ZCCHC17: variants seen among roughly 807,000 people sequenced by gnomAD.
ZCCHC17 encodes zinc finger CCHC domain-containing protein 17.
In ZCCHC17, 18 loss-of-function variants were observed where a neutral mutation model predicts 30.6. The ratio of observed to expected loss-of-function variants is 0.59; its 90% CI spans 0.41 to 0.87. The LOEUF is 0.87. Among genes scored for constraint, ZCCHC17 ranks in the 40% least tolerant of loss-of-function variants. ZCCHC17 has a pLI of 0.00. For missense variants in ZCCHC17, 263 were observed against 284.2 expected (o/e 0.93, Z 0.54); for synonymous variants, 88 against 92.4 (o/e 0.95, Z 0.27).
intron 3 of ZCCHC17, among the ~76,000 whole-genome samples, chr1:31,321,559 CT>C (rs1197639554): frequency 6.6e-6 from 1 of 152,232 alleles, no homozygotes; most frequent in African/African-American, 2.4e-5. Flanking sequence ...ACTGCAACCT[CT>C]GCCTCCTGAG....
chr1:31,357,946 G>A (rs1453690143), intron 7 of ZCCHC17, among the ~76,000 whole-genome samples: 1 of 152,148 alleles, frequency 6.6e-6, no homozygotes, highest in East Asian at 1.9e-4. Context: ...GTAGAGACGG[G>A]TTTCTCCATG....
chr1:31,314,734 C>T (rs532137879), intron 2 of ZCCHC17, among the ~76,000 whole-genome samples: 17 of 152,160 alleles, frequency 1.1e-4, no homozygotes, highest in African/African-American at 3.9e-4. Context: ...TGGAGTCTTC[C>T]TCTGTCGCTC....
At chr1:31,297,690 C>G (rs1646200162) in intron 1 of ZCCHC17, among the ~76,000 whole-genome samples, 1 of 152,168 alleles carries the variant, frequency 6.6e-6, no homozygotes, top group African/African-American at 2.4e-5. Context: ...GAAATGCCTC[C>G]TACTGCTGCC....
At chr1:31,324,250 A>T (rs935360470) in intron 3 of ZCCHC17, among the ~76,000 whole-genome samples, 5 of 152,230 alleles carry the variant, frequency 3.3e-5, no homozygotes, top group Non-Finnish European at 7.3e-5. Flanking sequence ...AAGTAGTAAG[A>T]TCACTTGAGG....
intron 3 of ZCCHC17, among the ~76,000 whole-genome samples, chr1:31,320,363 A>G (rs1179097005): frequency 6.6e-6 from 1 of 152,226 alleles, no homozygotes; most frequent in Non-Finnish European, 1.5e-5. Flanking sequence ...AAAGTGTACA[A>G]TTCAGTGGTT....
chr1:31,313,956 C>T (rs926433221), intron 2 of ZCCHC17, among the ~76,000 whole-genome samples: 23 of 152,120 alleles, frequency 1.5e-4, no homozygotes, highest in South Asian at 2.1e-4. Flanking sequence ...CCTCCACCTC[C>T]GGGTTCAAGT....
rs145918690 is a variant in ZCCHC17 at position 31,297,832 on chromosome 1, GT to G, written c.-56+759del. Among the ~76,000 whole-genome samples the G allele has an allele frequency of 7.3e-3, 1,108 of 152,342 alleles. 12 individuals carry two copies. Among genetic ancestry groups the G allele is most frequent in the African/African-American group, 0.025 (1,036 of 41,552 alleles). On this transcript the variant is annotated intron_variant, in intron 1 of 7. Transcript: ENST00000344147. ...CAGAACCTTCCATAGAGAACTACTT[GT>G]TCAGAGCCCTGAGGCACTTGGGAGG... is the stretch of plus-strand genomic sequence containing the variant.
At chr1:31,303,790 C>T (rs1266670615) in intron 1 of ZCCHC17, among the ~76,000 whole-genome samples, 2 of 152,216 alleles carry the variant, frequency 1.3e-5, no homozygotes, top group East Asian at 3.8e-4. Context: ...ACATTCTCCT[C>T]TATAGCCACA....
chr1:31,297,493 C>T (rs1363874518), intron 1 of ZCCHC17, among the ~76,000 whole-genome samples: 1 of 152,224 alleles, frequency 6.6e-6, no homozygotes, highest in Non-Finnish European at 1.5e-5. Flanking sequence ...CCGACTCCTT[C>T]TCCAGAGCAC....
At chr1:31,331,325 T>G (rs983778606) in intron 3 of ZCCHC17, among the ~76,000 whole-genome samples, 47 of 151,936 alleles carry the variant, frequency 3.1e-4, no homozygotes, top group African/African-American at 1.1e-3. Flanking sequence ...ATTTTTTTTT[T>G]AGTAGAGACG....
chr1:31,311,797 A>C (rs775928553), intron 2 of ZCCHC17, among the ~76,000 whole-genome samples: 3 of 152,254 alleles, frequency 2.0e-5, no homozygotes, highest in Non-Finnish European at 4.4e-5. Flanking sequence ...GAGAAATACC[A>C]AAGTTCATGT....
At chr1:31,311,095 CT>C in intron 2 of ZCCHC17, among the ~76,000 whole-genome samples, 2 of 152,150 alleles carry the variant, frequency 1.3e-5, no homozygotes, top group Middle Eastern at 6.8e-3. Flanking sequence ...TTTTTTAATT[CT>C]TTTTTAAAAA....
chr1:31,298,507 TC>T (rs2148398276), intron 1 of ZCCHC17, among the ~76,000 whole-genome samples: 2 of 151,368 alleles, frequency 1.3e-5, no homozygotes, highest in South Asian at 2.1e-4. Flanking sequence ...TGCCTTAGCC[TC>T]CCCAGTAGCT....
intron 4 of ZCCHC17, 125 bp from the exon 5 acceptor site, chr1:31,338,832 C>T: frequency 1.6e-6 from 1 of 625,010 alleles, no homozygotes; most frequent in Non-Finnish European, 2.8e-6. Flanking sequence ...TGCAATGTTC[C>T]TAGCACAGTA....
intron 3 of ZCCHC17, among the ~76,000 whole-genome samples, chr1:31,327,393 AC>A (rs1638398761): frequency 6.6e-6 from 1 of 152,238 alleles, no homozygotes; most frequent in South Asian, 2.1e-4. Context: ...AGAATGGCTT[AC>A]AGAAGTCAGG....
intron 7 of ZCCHC17, among the ~76,000 whole-genome samples, chr1:31,354,958 TGA>T (rs1344169189): frequency 6.6e-6 from 1 of 152,108 alleles, no homozygotes; most frequent in African/African-American, 2.4e-5. Context: ...GTGGATCACT[TGA>T]GATCAGGAGT....
intron 4 of ZCCHC17, 73 bp downstream of exon 4, chr1:31,337,348 G>A: frequency 7.6e-7 from 1 of 1,317,322 alleles, no homozygotes; most frequent in Non-Finnish European, 1.1e-6. Flanking sequence ...TTTTATGATA[G>A]TGAGTGTGTA....
At chr1:31,362,606 G>A (rs569279698) in intron 7 of ZCCHC17, among the ~76,000 whole-genome samples, 198 of 152,162 alleles carry the variant, frequency 1.3e-3, no homozygotes, top group Non-Finnish European at 2.3e-3. Context: ...TGAGGTGGCT[G>A]TAAAGTTAGA....
At chr1:31,352,047 C>T (rs1476764627) in intron 7 of ZCCHC17, among the ~76,000 whole-genome samples, 2 of 152,214 alleles carry the variant, frequency 1.3e-5, no homozygotes, top group Non-Finnish European at 2.9e-5. Context: ...ACCTCCAAAA[C>T]TTAATTTTCC....
Sources: gnomAD v4.1 joint callset for allele counts (sites outside exome capture counted in the v4.1 genomes callset) on GRCh38, gnomAD v4.1.1 for gene constraint, MANE v1.5 for transcripts, NCBI Gene and HGNC (gene_info 2026-07-23, HGNC 2026-07-21) for gene names.